The following TRPM3 variants were observed in gnomAD, a reference collection of about 807,000 sequenced individuals.
TRPM3 encodes long transient receptor potential channel 3.
A neutral mutation model predicts 181.2 loss-of-function variants in TRPM3; 77 were observed. The ratio of observed to expected loss-of-function variants is 0.42; its 90% CI spans 0.35 to 0.51. The LOEUF is 0.51. TRPM3 is among the 20% of genes least tolerant of loss of function. The probability of loss-of-function intolerance (pLI) is 0.01; values close to 1 mark genes in which losing one functional copy is unlikely to be tolerated. For synonymous variants in TRPM3, 745 were observed against 796.4 expected, an observed-to-expected ratio of 0.94 and a Z score of 1.09; for missense variants, 1,759 against 2,196.7, an observed-to-expected ratio of 0.80 and a Z score of 3.98.
intron 7 of TRPM3, among the ~76,000 whole-genome samples, chr9:70,767,198 T>A (rs192303654): frequency 2.0e-3 from 311 of 152,298 alleles, no homozygotes; most frequent in African/African-American, 7.1e-3. Flanking sequence ...GAAATAACTT[T>A]CCCACTTTAG....
At chr9:70,763,305 T>G (rs1371060225) in intron 7 of TRPM3, among the ~76,000 whole-genome samples, 3 of 151,804 alleles carry the variant, frequency 2.0e-5, no homozygotes, top group Non-Finnish European at 4.4e-5. Context: ...AGCCCAGGAG[T>G]TCGAGATCAG....
chr9:70,554,064 TG>T (rs772691500), intron 22 of TRPM3, among the ~76,000 whole-genome samples: 1 of 118,288 alleles, frequency 8.5e-6, no homozygotes, highest in African/African-American at 3.3e-5. Flanking sequence ...AATGGGCAAA[TG>T]GGGGGAAAAA....
At chr9:71,066,474 G>C (rs1171003323) in intron 1 of TRPM3, among the ~76,000 whole-genome samples, 1 of 152,140 alleles carries the variant, frequency 6.6e-6, no homozygotes, top group Non-Finnish European at 1.5e-5. Flanking sequence ...GGTCTTCCCG[G>C]TCATAAATAA....
intron 1 of TRPM3, among the ~76,000 whole-genome samples, chr9:70,999,702 C>T (rs2097578879): frequency 6.6e-6 from 1 of 152,144 alleles, no homozygotes. Context: ...TGGATAAATA[C>T]AGTATTTGAC....
chr9:71,096,346 A>C (rs2133978239), intron 1 of TRPM3, among the ~76,000 whole-genome samples: 1 of 151,032 alleles, frequency 6.6e-6, no homozygotes, highest in East Asian at 1.9e-4. Context: ...GACCTGAAGG[A>C]ACAAGGTAAT....
At chr9:70,698,593 G>GTGTT (rs939128164) in intron 8 of TRPM3, among the ~76,000 whole-genome samples, 3 of 152,196 alleles carry the variant, frequency 2.0e-5, no homozygotes, top group African/African-American at 7.2e-5. Context: ...GAAAGTATAG[G>GTGTT]TGTTAAACAT....
chr9:70,828,387 T>G (rs2093681680), intron 5 of TRPM3, among the ~76,000 whole-genome samples: 1 of 152,188 alleles, frequency 6.6e-6, no homozygotes, highest in South Asian at 2.1e-4. Context: ...CTTTCCTTTC[T>G]CTATCATGTC....
intron 1 of TRPM3, among the ~76,000 whole-genome samples, chr9:71,068,220 G>A (rs185015256): frequency 3.1e-4 from 47 of 152,314 alleles, no homozygotes; most frequent in African/African-American, 1.1e-3. Flanking sequence ...TGGAGACTGA[G>A]TTTCCTAATT....
At chr9:70,699,158 G>C (rs1183020693) in intron 8 of TRPM3, among the ~76,000 whole-genome samples, 1 of 152,126 alleles carries the variant, frequency 6.6e-6, no homozygotes, top group East Asian at 1.9e-4. Context: ...AACTGCTTTT[G>C]GGGAGAAATA....
At chr9:70,741,645 A>T (rs2074124475) in intron 8 of TRPM3, among the ~76,000 whole-genome samples, 1 of 152,202 alleles carries the variant, frequency 6.6e-6, no homozygotes, top group African/African-American at 2.4e-5. Flanking sequence ...ACTCAGCCAT[A>T]GAAAGGAATG....
At chr9:70,870,636 G>A (rs568995874) in intron 1 of TRPM3, among the ~76,000 whole-genome samples, 324 of 152,086 alleles carry the variant, frequency 2.1e-3, no homozygotes, top group Non-Finnish European at 3.3e-3. Context: ...CTATCAACAG[G>A]AGATGAATCA....
chr9:71,307,216 G>A lies in TRPM3; in HGVS notation c.183+139437C>T, dbSNP rs1688451002. On this transcript the variant is annotated intron_variant, in intron 1 of 24. Transcript: ENST00000357533. ...GACCTGACGATACATATGATTAGTG[G>A]CTTCATGGAAATCTCATCATTTCTT... 2.0e-5 allele frequency among the ~76,000 whole-genome samples: 3 copies of A among 152,054 alleles called. No homozygotes were observed. The South Asian group carries it at 6.2e-4, about 32-fold the overall frequency.
intron 9 of TRPM3, among the ~76,000 whole-genome samples, chr9:70,679,123 T>C (rs2064787508): frequency 6.6e-6 from 1 of 152,192 alleles, no homozygotes; most frequent in Non-Finnish European, 1.5e-5. Flanking sequence ...CATTAGTAGG[T>C]TGTGAAATCA....
intron 1 of TRPM3, among the ~76,000 whole-genome samples, chr9:71,424,997 C>T (rs2093837914): frequency 6.6e-6 from 1 of 152,066 alleles, no homozygotes; most frequent in East Asian, 1.9e-4. Flanking sequence ...ATTTAATATT[C>T]TCACCTTTCT....
intron 1 of TRPM3, among the ~76,000 whole-genome samples, chr9:71,178,087 TACAGTAC>T (rs902991174): frequency 1.4e-4 from 21 of 152,110 alleles, no homozygotes; most frequent in Non-Finnish European, 2.4e-4. Flanking sequence ...ATTTTTATCA[TACAGTAC>T]ACTGTAGATA....
chr9:71,193,492 C>T (rs1019778232), intron 1 of TRPM3, among the ~76,000 whole-genome samples: 1 of 151,828 alleles, frequency 6.6e-6, no homozygotes, highest in Non-Finnish European at 1.5e-5. Context: ...TCTACCAGCA[C>T]CTCCTAAAAT....
rs2059383799 is a variant in TRPM3 at position 70,598,578 on chromosome 9, CAG to C, written c.2887_2888del (p.Leu963ValfsTer17). On this transcript the variant is annotated frameshift_variant, in exon 21 of 26. Transcript: ENST00000677713. LOFTEE classifies it high-confidence loss of function. ...GACGAAGGATCATTCCGACAGAAAA[CAG>C]AAGGATGGCGATGAGGTCCGTGACA... ...WNVTDLIAIL[L>X]FSVGMILRLQ... The C allele has an allele frequency of 6.2e-7, 1 of 1,614,090 alleles. No homozygotes were observed. The highest frequency in any genetic ancestry group is 1.7e-5 in the Admixed American group (1 of 59,992).
At chr9:70,979,013 G>A (rs910432131) in intron 1 of TRPM3, among the ~76,000 whole-genome samples, 2 of 152,200 alleles carry the variant, frequency 1.3e-5, no homozygotes, top group Admixed American at 6.5e-5. Flanking sequence ...ATCTTGAGAT[G>A]AGTCATCTCA....
intron 1 of TRPM3, among the ~76,000 whole-genome samples, chr9:71,214,338 A>T (rs2079708380): frequency 2.0e-5 from 3 of 152,138 alleles, no homozygotes; most frequent in Non-Finnish European, 2.9e-5. Flanking sequence ...ACAGTTTGGA[A>T]GTTTCTTTAA....
Sources: gnomAD v4.1 joint callset for allele counts (sites outside exome capture counted in the v4.1 genomes callset) on GRCh38, gnomAD v4.1.1 for gene constraint, MANE v1.5 for transcripts, NCBI Gene and HGNC (gene_info 2026-07-23, HGNC 2026-07-21) for gene names.